Variants in FOCAD observed in about 807,000 individuals in gnomAD.
FOCAD encodes the protein KIAA1797.
In FOCAD, 198 loss-of-function variants were observed where a neutral mutation model predicts 225.6. The ratio of observed to expected loss-of-function variants is 0.88; its 90% confidence interval spans 0.78 to 0.99. The LOEUF (loss-of-function observed/expected upper bound fraction) is 0.99. FOCAD is among the 50% of genes least tolerant of loss of function. The pLI is 0.00. For missense variants in FOCAD, 2,713 were observed against 2,123.6 expected, an observed-to-expected ratio of 1.28 and a Z score of -5.46; for synonymous variants, 897 against 755.0, an observed-to-expected ratio of 1.19 and a Z score of -3.08.
chr9:20,691,630 C>T (rs1413026819), intron 1 of FOCAD, among the ~76,000 whole-genome samples: 3 of 150,904 alleles, frequency 2.0e-5, no homozygotes, highest in Non-Finnish European at 4.4e-5. Context: ...TACAGGTGCC[C>T]GCCACCATGC....
chr9:20,737,541 A>T (rs1337540382), intron 4 of FOCAD, among the ~76,000 whole-genome samples: 2 of 152,346 alleles, frequency 1.3e-5, no homozygotes, highest in African/African-American at 2.4e-5. Flanking sequence ...GTATATAAAT[A>T]GCTTAAATAC....
chr9:20,867,975 G>A (rs1829433781), intron 18 of FOCAD, among the ~76,000 whole-genome samples: 1 of 152,002 alleles, frequency 6.6e-6, no homozygotes, highest in South Asian at 2.1e-4. Context: ...AAAATAGGCT[G>A]TTGTAAAACC....
chr9:20,898,287 G>A (rs1380855056), intron 21 of FOCAD, among the ~76,000 whole-genome samples: 2 of 151,390 alleles, frequency 1.3e-5, no homozygotes, highest in East Asian at 3.9e-4. Flanking sequence ...CATTAATTTG[G>A]GAGCATCTCA....
intron 1 of FOCAD, among the ~76,000 whole-genome samples, chr9:20,703,433 T>A (rs1212700857): frequency 2.6e-5 from 4 of 152,116 alleles, no homozygotes; most frequent in African/African-American, 9.7e-5. Flanking sequence ...CCTATAGAGT[T>A]GCAGTGGGGA....
intron 2 of FOCAD, among the ~76,000 whole-genome samples, chr9:20,674,905 C>G (rs1193125014): frequency 6.6e-6 from 1 of 152,096 alleles, no homozygotes; most frequent in Non-Finnish European, 1.5e-5. Flanking sequence ...TAATAAGTTC[C>G]TGGGATAAGA....
chr9:20,760,231 G>C (rs1343675979), intron 6 of FOCAD, among the ~76,000 whole-genome samples: 3 of 152,194 alleles, frequency 2.0e-5, no homozygotes, highest in Non-Finnish European at 4.4e-5. Context: ...CAGTGCATGG[G>C]CTAAGCATGG....
At chr9:20,694,018 A>G (rs913462495) in intron 1 of FOCAD, among the ~76,000 whole-genome samples, 5 of 152,166 alleles carry the variant, frequency 3.3e-5, no homozygotes, top group Admixed American at 2.6e-4. Context: ...GCTGCAATCC[A>G]TTTTTTAAAA....
chr9:20,746,285 C>G (rs750665570), intron 5 of FOCAD, among the ~76,000 whole-genome samples: 1 of 152,042 alleles, frequency 6.6e-6, no homozygotes, highest in Non-Finnish European at 1.5e-5. Flanking sequence ...AAAGCAAGTG[C>G]CTAGAAGCTT....
chr9:20,926,307 C>A lies in FOCAD; in HGVS notation c.2968C>A (p.Pro990Thr), dbSNP rs201363252. The A allele has an allele frequency of 2.1e-4, 341 of 1,597,952 alleles. No individual in the cohort carries two copies. The highest frequency in any genetic ancestry group is 1.9e-3 in the South Asian group (173 of 90,646). ...SDSDGLLEVQ[P>T]NFLSMKEWVS... is the part of the protein sequence containing the mutation. ...GTTTTTAATTCATCTGCAGGTTCAA[C>A]CTAATTTCCTTTCAATGAAAGAGTG... Residue 990 changes from proline (P) to threonine (T), a missense_variant, in exon 26 of 44, where the codon CCT (proline) becomes ACT (threonine). Coordinates refer to ENST00000338382, the MANE Select transcript of FOCAD (RefSeq NM_001375567.1).
intron 7 of FOCAD, 117 bp from the exon 8 acceptor site, chr9:20,769,915 C>T: frequency 1.2e-6 from 1 of 866,218 alleles, no homozygotes; most frequent in Admixed American, 2.7e-5. Flanking sequence ...TTTTCATCTC[C>T]TTTAAGTCTT....
At chr9:20,938,696 T>A (rs1836286278) in intron 28 of FOCAD, among the ~76,000 whole-genome samples, 1 of 151,950 alleles carries the variant, frequency 6.6e-6, no homozygotes, top group Non-Finnish European at 1.5e-5. Context: ...AACCTGCACA[T>A]TGTGCACATG....
intron 4 of FOCAD, among the ~76,000 whole-genome samples, chr9:20,724,440 G>A (rs1284641731): frequency 1.3e-5 from 2 of 152,110 alleles, no homozygotes; most frequent in Non-Finnish European, 1.5e-5. Context: ...TTTTAACAGT[G>A]GAAGGATGCT....
chr9:20,951,797 A>G (rs1564196262), intron 34 of FOCAD, among the ~76,000 whole-genome samples: 1 of 152,186 alleles, frequency 6.6e-6, no homozygotes, highest in East Asian at 1.9e-4. Flanking sequence ...CCGTTAATAC[A>G]TCTGCTCCTT....
At chr9:20,795,989 G>T (rs1327856824) in intron 11 of FOCAD, among the ~76,000 whole-genome samples, 1 of 130,924 alleles carries the variant, frequency 7.6e-6, no homozygotes, top group African/African-American at 2.8e-5. Context: ...AACAGGCCCC[G>T]GTGTGTGATG....
At chr9:20,689,630 A>C (rs1380927561) in intron 1 of FOCAD, among the ~76,000 whole-genome samples, 1 of 152,180 alleles carries the variant, frequency 6.6e-6, no homozygotes, top group South Asian at 2.1e-4. Context: ...CTTATTGACT[A>C]TGGTGTCAGT....
chr9:20,784,755 T>C (rs1216276601), intron 10 of FOCAD, among the ~76,000 whole-genome samples: 1 of 152,172 alleles, frequency 6.6e-6, no homozygotes, highest in Non-Finnish European at 1.5e-5. Context: ...TGAAGTAGTA[T>C]ATAGTAAGCA....
At chr9:20,695,711 AG>A (rs1356623071) in intron 1 of FOCAD, among the ~76,000 whole-genome samples, 1 of 152,210 alleles carries the variant, frequency 6.6e-6, no homozygotes, top group Non-Finnish European at 1.5e-5. Context: ...TACTGGTTTC[AG>A]TTTATAATAT....
At chr9:20,882,377 G>A (rs187427590) in intron 20 of FOCAD, among the ~76,000 whole-genome samples, 1 of 152,320 alleles carries the variant, frequency 6.6e-6, no homozygotes, top group African/African-American at 2.4e-5. Context: ...TGGGACTAGG[G>A]CGACAAATTA....
chr9:20,823,958 GA>G (rs1228287706), intron 15 of FOCAD, among the ~76,000 whole-genome samples: 2 of 152,100 alleles, frequency 1.3e-5, no homozygotes, highest in Non-Finnish European at 2.9e-5. Context: ...GAGGAAGATA[GA>G]CCCCAGAGAG....
Sources: gnomAD v4.1 joint callset for allele counts (sites outside exome capture counted in the v4.1 genomes callset) on GRCh38, gnomAD v4.1.1 for gene constraint, MANE v1.5 for transcripts, NCBI Gene and HGNC (gene_info 2026-07-23, HGNC 2026-07-21) for gene names.